The following GSE1 variants were observed in gnomAD, a reference collection of about 807,000 sequenced individuals.
GSE1 encodes the protein genetic suppressor element 1.
A neutral mutation model predicts 112.6 loss-of-function variants in GSE1; 32 were observed. The ratio of observed to expected loss-of-function variants is 0.28; its 90% CI spans 0.21 to 0.38. The LOEUF (loss-of-function observed/expected upper bound fraction) is 0.38. Ranked by LOEUF, GSE1 falls within the 10% of genes least tolerant of loss-of-function variation. GSE1 has a pLI of 1.00. For missense variants in GSE1, 2,348 were observed against 1,699.2 expected (o/e 1.38, Z -6.71); for synonymous variants, 1,115 against 735.6 (o/e 1.52, Z -8.35).
At chr16:85,638,241 C>G (rs1598494966) in intron 2 of GSE1, among the ~76,000 whole-genome samples, 1 of 152,236 alleles carries the variant, frequency 6.6e-6, no homozygotes, top group Non-Finnish European at 1.5e-5. Flanking sequence ...ATGCGCTGCC[C>G]TGGGAGAAAG....
At chr16:85,470,230 A>T (rs889967544) in intron 2 of GSE1, among the ~76,000 whole-genome samples, 2 of 152,220 alleles carry the variant, frequency 1.3e-5, no homozygotes. Context: ...GAGGTGCCTG[A>T]ATCCTCGGTT....
At chr16:85,633,869 C>T (rs1217557553) in intron 1 of GSE1, 45 bp from the exon 2 acceptor site, 3 of 1,509,480 alleles carry the variant, frequency 2.0e-6, no homozygotes, top group Non-Finnish European at 2.7e-6. Context: ...GTGCTGGGCG[C>T]TCCTGCTCTC....
chr16:85,473,884 C>T (rs2050371512), intron 2 of GSE1, among the ~76,000 whole-genome samples: 1 of 151,990 alleles, frequency 6.6e-6, no homozygotes, highest in African/African-American at 2.4e-5. Flanking sequence ...AGCACTCTCC[C>T]AGGCACTAGC....
chr16:85,433,823 T>C (rs1040468223), intron 2 of GSE1, among the ~76,000 whole-genome samples: 1 of 151,374 alleles, frequency 6.6e-6, no homozygotes, highest in Non-Finnish European at 1.5e-5. Flanking sequence ...AGAGAATGGA[T>C]GAATGGATGG....
At chr16:85,508,599 G>T (rs931697787) in intron 2 of GSE1, among the ~76,000 whole-genome samples, 1 of 152,194 alleles carries the variant, frequency 6.6e-6, no homozygotes, top group Non-Finnish European at 1.5e-5. Context: ...GGGTGTCAGG[G>T]CAGGGCCCGC....
chr16:85,382,624 G>A (rs1334659355), intron 2 of GSE1, among the ~76,000 whole-genome samples: 2 of 152,164 alleles, frequency 1.3e-5, no homozygotes. Context: ...GGGAGGGACA[G>A]AATGGGGAGC....
At chr16:85,538,848 C>G (rs2044421862) in intron 2 of GSE1, among the ~76,000 whole-genome samples, 1 of 152,220 alleles carries the variant, frequency 6.6e-6, no homozygotes, top group Non-Finnish European at 1.5e-5. Flanking sequence ...TGGAAGACCT[C>G]TGGGGCTCCT....
chr16:85,498,585 A>G (rs2051259624), intron 2 of GSE1, among the ~76,000 whole-genome samples: 1 of 152,110 alleles, frequency 6.6e-6, no homozygotes, highest in African/African-American at 2.4e-5. Context: ...CCTTACATAT[A>G]TATAAACACA....
At chr16:85,473,518 C>T (rs1461412986) in intron 2 of GSE1, among the ~76,000 whole-genome samples, 1 of 152,204 alleles carries the variant, frequency 6.6e-6, no homozygotes, top group Admixed American at 6.5e-5. Flanking sequence ...GAAGACCCTC[C>T]CTGCCTCTGC....
At chr16:85,480,618 G>C (rs565282883) in intron 2 of GSE1, among the ~76,000 whole-genome samples, 82 of 152,272 alleles carry the variant, frequency 5.4e-4, no homozygotes, top group African/African-American at 1.3e-3. Context: ...CCTCTGCTTG[G>C]TGTCCGATTG....
chr16:85,484,716 C>T (rs879945325), intron 2 of GSE1, among the ~76,000 whole-genome samples: 3 of 152,246 alleles, frequency 2.0e-5, no homozygotes, highest in Non-Finnish European at 4.4e-5. Context: ...CAGCAGAGCC[C>T]CGACTCAAAA....
chr16:85,576,202 A>G (rs2046222256), intron 1 of GSE1, among the ~76,000 whole-genome samples: 1 of 152,198 alleles, frequency 6.6e-6, no homozygotes, highest in African/African-American at 2.4e-5. Context: ...TTACAATGCA[A>G]TTTATTTTTA....
At chr16:85,480,646 G>A (rs1014731856) in intron 2 of GSE1, among the ~76,000 whole-genome samples, 30 of 152,264 alleles carry the variant, frequency 2.0e-4, no homozygotes, top group African/African-American at 6.0e-4. Flanking sequence ...GGGAGACAGA[G>A]CAGGGACAAT....
At chr16:85,319,538 G>A (rs914917027) in intron 1 of GSE1, among the ~76,000 whole-genome samples, 1 of 152,174 alleles carries the variant, frequency 6.6e-6, no homozygotes, top group African/African-American at 2.4e-5. Context: ...CCTGTGCTGA[G>A]CCCATTGGAG....
chr16:85,376,369 A>C (rs547431803), intron 2 of GSE1, among the ~76,000 whole-genome samples: 1 of 152,176 alleles, frequency 6.6e-6, no homozygotes, highest in Non-Finnish European at 1.5e-5. Context: ...GGATTACTGC[A>C]ACTGTTGGAA....
intron 1 of GSE1, among the ~76,000 whole-genome samples, chr16:85,575,343 C>G (rs1039853100): frequency 6.6e-6 from 1 of 152,176 alleles, no homozygotes; most frequent in Non-Finnish European, 1.5e-5. Context: ...TCTAGGAGAT[C>G]TGCTATCCGG....
chr16:85,519,612 A>ACCATCACCACCACCATCACCAGTCT (rs2052099479), intron 2 of GSE1, among the ~76,000 whole-genome samples: 1 of 143,820 alleles, frequency 7.0e-6, no homozygotes, highest in African/African-American at 2.8e-5. Flanking sequence ...CACCATCATC[A>ACCATCACCACCACCATCACCAGTCT]CCATCACCAC....
intron 2 of GSE1, 91 bp from the exon 3 acceptor site, chr16:85,648,461 C>A (rs770381620): frequency 7.5e-6 from 5 of 663,818 alleles, no homozygotes; most frequent in African/African-American, 1.9e-5. Flanking sequence ...TCACTTGGAG[C>A]AGGGGGGCAG....
intron 2 of GSE1, among the ~76,000 whole-genome samples, chr16:85,471,272 TC>T (rs1197441463): frequency 6.6e-6 from 1 of 152,170 alleles, no homozygotes; most frequent in African/African-American, 2.4e-5. Context: ...GATCTGCCAG[TC>T]CCAATGCCAC....
Sources: gnomAD v4.1 joint callset for allele counts (sites outside exome capture counted in the v4.1 genomes callset) on GRCh38, gnomAD v4.1.1 for gene constraint, MANE v1.5 for transcripts, NCBI Gene and HGNC (gene_info 2026-07-23, HGNC 2026-07-21) for gene names.